The following DST variants were observed in gnomAD, a reference collection of about 807,000 sequenced individuals.
The protein encoded by DST is dystonin.
DST carries 253 observed loss-of-function variants against 875.2 expected under a neutral mutation model. The ratio of observed to expected loss-of-function variants is 0.29; its 90% CI spans 0.26 to 0.32. The LOEUF (loss-of-function observed/expected upper bound fraction) is 0.32, where lower values mean the gene tolerates loss of function less well. DST is among the 10% of genes least tolerant of loss of function. The pLI, the probability that DST is intolerant of heterozygous loss-of-function variation, is 1.00. For synonymous variants in DST, 3,124 were observed against 3,197.1 expected (o/e 0.98, Z 0.77); for missense variants, 8,287 against 9,111.6 (o/e 0.91, Z 3.68).
chr6:56,789,029 T>C (rs548630930), intron 4 of DST, among the ~76,000 whole-genome samples: 1 of 152,210 alleles, frequency 6.6e-6, no homozygotes, highest in Non-Finnish European at 1.5e-5. Flanking sequence ...ATATGATTAA[T>C]TGTTAAATAT....
chr6:56,643,655 T>C (rs1309614629), intron 15 of DST, among the ~76,000 whole-genome samples: 1 of 152,232 alleles, frequency 6.6e-6, no homozygotes, highest in Non-Finnish European at 1.5e-5. Flanking sequence ...TGAAGGCATT[T>C]ATCCAACCAG....
At chr6:56,812,109 A>AGAAAAGAAAAGAAAAGAAAAG (rs1554158453) in intron 4 of DST, among the ~76,000 whole-genome samples, 1 of 111,802 alleles carries the variant, frequency 8.9e-6, no homozygotes, top group Non-Finnish European at 1.8e-5. Flanking sequence ...CTCAAAAAAA[A>AGAAAAGAAAAGAAAAGAAAAG]AAAAGAAAAG....
chr6:56,834,856 C>T (rs1424260608), intron 4 of DST, among the ~76,000 whole-genome samples: 2 of 152,154 alleles, frequency 1.3e-5, no homozygotes. Context: ...CTCCTTTACA[C>T]AAATGACTTG....
intron 28 of DST, 147 bp from the exon 29 acceptor site, chr6:56,632,187 TATAAATCTTAAAAC>T: frequency 1.7e-6 from 1 of 592,324 alleles, no homozygotes; most frequent in African/African-American, 1.9e-5. Flanking sequence ...ATTCTAAGGA[TATAAATCTTAAAAC>T]ATAAATCTTA....
At position 56,569,921 on chromosome 6, in the gene DST, T is replaced by C. The variant is rs113849115; in HGVS notation, c.13813A>G (p.Lys4605Glu). ...LKSWIKETTK[K>E]VPIVQPSFGA... is the part of the protein sequence containing the mutation. ...AAAGAAGGCTGTACAATGGGAACTT[T>C]TTTTGTTGTTTCTTTTATCCATGAC... Residue 4605 changes from lysine to glutamate, a missense_variant, in exon 54 of 104, where the codon AAA becomes GAA. Transcript: ENST00000680361. 199 of 1,612,018 alleles carry C rather than the reference T, an allele frequency of 1.2e-4. 3 individuals carry two copies. The African/African-American group carries it at 1.8e-3, about 15-fold the overall frequency.
At chr6:56,616,617 C>A in intron 36 of DST, 1 of 1,614,140 alleles carries the variant, frequency 6.2e-7, no homozygotes, top group Non-Finnish European at 8.5e-7. Context: ...CTGGATGGCT[C>A]ATGTAAAAAC....
chr6:56,508,276 C>G (rs1046364366), intron 75 of DST, among the ~76,000 whole-genome samples: 15 of 152,074 alleles, frequency 9.9e-5, no homozygotes, highest in African/African-American at 3.6e-4. Flanking sequence ...TCAAGTGATC[C>G]GCCCACCTCG....
intron 95 of DST, among the ~76,000 whole-genome samples, 165 bp from the exon 96 acceptor site, chr6:56,470,447 T>C (rs999438647): frequency 1.6e-4 from 25 of 152,196 alleles, no homozygotes; most frequent in Admixed American, 1.3e-3. Context: ...TGAAGAGTTA[T>C]ATATAATCTT....
At chr6:56,832,561 T>C (rs932999064) in intron 4 of DST, among the ~76,000 whole-genome samples, 1 of 151,796 alleles carries the variant, frequency 6.6e-6, no homozygotes, top group Non-Finnish European at 1.5e-5. Context: ...GTCTCTGGTA[T>C]GTCTTTATCA....
intron 56 of DST, 133 bp from the exon 57 acceptor site, chr6:56,561,682 A>G (rs2097537699): frequency 1.3e-6 from 1 of 796,746 alleles, no homozygotes; most frequent in Non-Finnish European, 1.9e-6. Context: ...AGATAAAGTC[A>G]TAAGCTTTTC....
chr6:56,877,705 C>G (rs188703608), intron 3 of DST, among the ~76,000 whole-genome samples: 1 of 152,094 alleles, frequency 6.6e-6, no homozygotes, highest in Non-Finnish European at 1.5e-5. Context: ...CAACTGATAT[C>G]CCATAGGCTG....
rs190543903 is a variant in DST at position 56,600,067 on chromosome 6, A to T, written c.11694+2T>A. ...ATCTGCTGATAGAAAACCAAATTCTACCTCTTGCTTGGACTGATATTTCTT... is the reference window on the plus strand; with the variant it reads ...ATCTGCTGATAGAAAACCAAATTCTTCCTCTTGCTTGGACTGATATTTCTT... On this transcript the variant is annotated splice_donor_variant, in intron 45 of 103. Coordinates refer to ENST00000680361, the MANE Select transcript of DST (RefSeq NM_001374736.1). LOFTEE classifies it high-confidence loss of function. 6.2e-7 allele frequency: 1 copy of T among 1,609,426 alleles called. No homozygotes were observed.
chr6:56,570,454 A>G (rs2097762534), intron 53 of DST, among the ~76,000 whole-genome samples: 1 of 152,124 alleles, frequency 6.6e-6, no homozygotes, highest in Non-Finnish European at 1.5e-5. Context: ...TCTCATAAGG[A>G]GCATGCACCC....
At chr6:56,547,898 T>C (rs1202864322) in intron 61 of DST, among the ~76,000 whole-genome samples, 1 of 152,212 alleles carries the variant, frequency 6.6e-6, no homozygotes, top group Non-Finnish European at 1.5e-5. Flanking sequence ...CAACTTGGCT[T>C]AAAAATCCTC....
At chr6:56,585,933 A>G (rs1474214821) in intron 49 of DST, among the ~76,000 whole-genome samples, 1 of 152,116 alleles carries the variant, frequency 6.6e-6, no homozygotes, top group East Asian at 1.9e-4. Flanking sequence ...CCTGAGCTCT[A>G]GTTTGATTGC....
At chr6:56,465,585 C>A (rs970189763) in intron 99 of DST, among the ~76,000 whole-genome samples, 1 of 152,034 alleles carries the variant, frequency 6.6e-6, no homozygotes, top group Non-Finnish European at 1.5e-5. Context: ...TAATCTGCAA[C>A]TTCAAAGAGT....
chr6:56,868,818 G>T (rs920700628), intron 3 of DST, among the ~76,000 whole-genome samples: 15 of 152,118 alleles, frequency 9.9e-5, no homozygotes, highest in Non-Finnish European at 2.1e-4. Flanking sequence ...TGGCCTAACA[G>T]AAATGACAAA....
intron 5 of DST, among the ~76,000 whole-genome samples, chr6:56,718,710 G>A (rs2099403730): frequency 6.6e-6 from 1 of 152,320 alleles, no homozygotes; most frequent in Non-Finnish European, 1.5e-5. Context: ...TCTATAGAAT[G>A]GAATACTAAT....
chr6:56,693,201 A>G (rs2099243906), intron 9 of DST: 2 of 1,228,496 alleles, frequency 1.6e-6, no homozygotes, highest in Non-Finnish European at 2.1e-6. Flanking sequence ...CAAAATCCAG[A>G]GCTTACTTAG....
Sources: allele counts gnomAD v4.1 joint callset (sites outside exome capture counted in the v4.1 genomes callset), GRCh38; gene constraint gnomAD v4.1.1; transcripts MANE v1.5; gene names NCBI Gene and HGNC (gene_info 2026-07-23, HGNC 2026-07-21).